Variants in LGSN observed in about 807,000 individuals in gnomAD.
The protein encoded by LGSN is lengsin.
LGSN carries 21 observed loss-of-function variants against 19.5 expected under a neutral mutation model. The ratio of observed to expected loss-of-function variants is 1.07; its 90% CI spans 0.76 to 1.55. LGSN has a LOEUF of 1.55. Among genes scored for constraint, LGSN ranks in the 40% most tolerant of loss-of-function variants. LGSN has a pLI of 0.00. For synonymous variants in LGSN, 257 were observed against 215.6 expected (o/e 1.19, Z -1.68); for missense variants, 673 against 608.5 (o/e 1.11, Z -1.12).
chr6:63,558,879 C>T, the LGSN span, among the ~76,000 whole-genome samples: 1 of 152,174 alleles, frequency 6.6e-6, no homozygotes. Flanking sequence ...AATGAGTTGC[C>T]TCATCTGTCA....
the LGSN span, among the ~76,000 whole-genome samples, chr6:63,529,161 G>GTGTATATATATATA: frequency 9.8e-6 from 1 of 102,144 alleles, no homozygotes; most frequent in Non-Finnish European, 1.9e-5. Context: ...ATATATATGT[G>GTGTATATATATATA]TGTATATATA....
chr6:63,559,709 C>A, the LGSN span, among the ~76,000 whole-genome samples: 1 of 151,842 alleles, frequency 6.6e-6, no homozygotes, highest in African/African-American at 2.4e-5. Context: ...CGCGCCACTG[C>A]ACTCCAGCCT....
At chr6:63,376,307 C>A in the LGSN span, among the ~76,000 whole-genome samples, 1 of 152,148 alleles carries the variant, frequency 6.6e-6, no homozygotes, top group Admixed American at 6.6e-5. Context: ...ACCCTGGGCT[C>A]ACAGCAGAGA....
chr6:63,338,165 C>T, the LGSN span, among the ~76,000 whole-genome samples: 2 of 152,266 alleles, frequency 1.3e-5, no homozygotes, highest in East Asian at 3.9e-4. Flanking sequence ...GGATTACAGG[C>T]ATGAGCCACC....
rs9359403 is a variant in LGSN, at chr6:63,312,775, G to A, written c.30+7139C>T. On this transcript the variant is annotated intron_variant, in intron 1 of 3. Transcript: ENST00000370657. Reference sequence around the variant, plus strand: ...TAGGAGAATAGCTCTGGAGAAGCGGGCGAAATGAGCATAGTGCAGACATAC... The same window carrying A: ...TAGGAGAATAGCTCTGGAGAAGCGGACGAAATGAGCATAGTGCAGACATAC... 9.9e-3 allele frequency among the ~76,000 whole-genome samples: 1,502 copies of A among 152,254 alleles called. 15 individuals carry two copies. The highest frequency in any genetic ancestry group is 0.033 in the East Asian group (173 of 5,180).
chr6:63,489,797 C>A, the LGSN span, among the ~76,000 whole-genome samples: 2 of 152,188 alleles, frequency 1.3e-5, no homozygotes, highest in Admixed American at 1.3e-4. Flanking sequence ...ACCTCCGTCT[C>A]CTGGGTTCAA....
At chr6:63,478,702 T>A in the LGSN span, among the ~76,000 whole-genome samples, 1 of 152,210 alleles carries the variant, frequency 6.6e-6, no homozygotes, top group Non-Finnish European at 1.5e-5. Flanking sequence ...ATTCAAGAAT[T>A]TAAACTTATT....
chr6:63,403,927 G>T, the LGSN span, among the ~76,000 whole-genome samples: 2 of 151,378 alleles, frequency 1.3e-5, no homozygotes, highest in Non-Finnish European at 1.5e-5. Context: ...TTACATGAGA[G>T]ACTTGCTAGC....
chr6:63,547,243 G>A, the LGSN span, among the ~76,000 whole-genome samples: 1 of 148,264 alleles, frequency 6.7e-6, no homozygotes, highest in Non-Finnish European at 1.5e-5. Flanking sequence ...AGACTGGAGT[G>A]CAATGGTATG....
chr6:63,462,011 G>T, the LGSN span, among the ~76,000 whole-genome samples: 1 of 152,098 alleles, frequency 6.6e-6, no homozygotes, highest in Non-Finnish European at 1.5e-5. Context: ...TCTAGGGTGG[G>T]AAAGAATCTG....
At chr6:63,480,822 G>GAA in the LGSN span, among the ~76,000 whole-genome samples, 24 of 127,540 alleles carry the variant, frequency 1.9e-4, no homozygotes, top group Middle Eastern at 3.8e-3. Flanking sequence ...GTCATTATAT[G>GAA]AAAAAAAAAA....
the LGSN span, among the ~76,000 whole-genome samples, chr6:63,480,809 G>T: frequency 8.2e-6 from 1 of 122,660 alleles, no homozygotes; most frequent in Non-Finnish European, 1.7e-5. Flanking sequence ...CAAAGGAAAA[G>T]AAGTCATTAT....
At chr6:63,468,405 G>A in the LGSN span, among the ~76,000 whole-genome samples, 1 of 152,040 alleles carries the variant, frequency 6.6e-6, no homozygotes, top group Non-Finnish European at 1.5e-5. Context: ...TGGGATTACA[G>A]GCATGAGCCA....
the LGSN span, among the ~76,000 whole-genome samples, chr6:63,442,582 T>G: frequency 6.6e-6 from 1 of 152,178 alleles, no homozygotes; most frequent in Non-Finnish European, 1.5e-5. Flanking sequence ...CACTGATTGG[T>G]GTGTTTACAA....
chr6:63,334,715 C>A, the LGSN span, among the ~76,000 whole-genome samples: 1 of 152,130 alleles, frequency 6.6e-6, no homozygotes, highest in African/African-American at 2.4e-5. Flanking sequence ...AAATATATTA[C>A]AAGTGTATAG....
chr6:63,480,084 C>A, the LGSN span: 1 of 167,776 alleles, frequency 6.0e-6, no homozygotes, highest in South Asian at 1.6e-4. Flanking sequence ...CATTCACAAC[C>A]TGTGTTCCTT....
chr6:63,280,482 A>C lies in LGSN; in HGVS notation c.1069T>G (p.Cys357Gly), dbSNP rs556357153. Residue 357 changes from cysteine (C) to glycine (G), a missense_variant, in exon 4 of 4, where the codon TGC becomes GGC. By Grantham distance (159) the Cys-to-Gly change is radical. Coordinates refer to ENST00000370657, the MANE Select transcript of LGSN (RefSeq NM_016571.3). ...CAGCTAACAGAAGGCGCCATCAGGC[A>C]GCTGAGCGCAGCAGAGTGCTTCAAG... Reference protein sequence around the residue: ...GLLKHSAALSCLMAPSVSCRK... With the variant: ...GLLKHSAALSGLMAPSVSCRK... 1 of 1,614,148 alleles carries C rather than the reference A, an allele frequency of 6.2e-7. No homozygotes were observed. Among genetic ancestry groups the C allele is most frequent in the Admixed American group, 1.7e-5 (1 of 60,028 alleles).
intron 1 of LGSN, among the ~76,000 whole-genome samples, chr6:63,305,754 G>C (rs924269277): frequency 1.3e-5 from 2 of 151,210 alleles, no homozygotes; most frequent in Non-Finnish European, 2.9e-5. Flanking sequence ...AATTTAATTT[G>C]CCTAAAGTCT....
the LGSN span, among the ~76,000 whole-genome samples, chr6:63,368,648 C>A: frequency 6.6e-6 from 1 of 152,210 alleles, no homozygotes; most frequent in African/African-American, 2.4e-5. Flanking sequence ...CGTCTGCATT[C>A]TTTTTCTTCA....
Sources: allele counts gnomAD v4.1 joint callset (sites outside exome capture counted in the v4.1 genomes callset), GRCh38; gene constraint gnomAD v4.1.1; transcripts MANE v1.5; gene names NCBI Gene and HGNC (gene_info 2026-07-23, HGNC 2026-07-21).